The following NUP160 variants were observed in gnomAD, a reference collection of about 807,000 sequenced individuals.
The protein encoded by NUP160 is nuclear pore complex protein Nup160.
Under a neutral mutation model 196.9 loss-of-function variants are expected in NUP160, and 94 were observed. The ratio of observed to expected loss-of-function variants is 0.48; its 90% confidence interval spans 0.40 to 0.57. The LOEUF is 0.57. Among genes scored for constraint, NUP160 ranks in the 20% least tolerant of loss-of-function variants. The pLI is 0.00. For synonymous variants in NUP160, 605 were observed against 619.7 expected, an observed-to-expected ratio of 0.98 and a Z score of 0.35; for missense variants, 1,638 against 1,748.3, an observed-to-expected ratio of 0.94 and a Z score of 1.13.
At chr11:47,792,552 A>G (rs766741547) in intron 28 of NUP160, 2 of 423,822 alleles carry the variant, frequency 4.7e-6, no homozygotes, top group Non-Finnish European at 8.4e-6. Context: ...GGTCAGGTCT[A>G]ACTCCAAAAC....
intron 31 of NUP160, among the ~76,000 whole-genome samples, 196 bp downstream of exon 31, chr11:47,787,986 T>C (rs2097665640): frequency 6.6e-6 from 1 of 152,156 alleles, no homozygotes; most frequent in African/African-American, 2.4e-5. Context: ...CCTCCCAAAG[T>C]GCTGGGATTA....
At chr11:47,812,712 C>T (rs569225693) in intron 15 of NUP160, among the ~76,000 whole-genome samples, 170 bp downstream of exon 15, 1 of 152,288 alleles carries the variant, frequency 6.6e-6, no homozygotes, top group East Asian at 1.9e-4. Context: ...GACTTGAAGT[C>T]GTGTTAAATT....
intron 7 of NUP160, 134 bp from the exon 8 acceptor site, chr11:47,822,298 C>T: frequency 3.9e-6 from 2 of 508,058 alleles, no homozygotes; most frequent in Admixed American, 3.8e-5. Context: ...TGCTCTGTTG[C>T]CCAGGCTGGA....
chr11:47,792,939 T>C (rs1473617514), exon 28 of NUP160: 2 of 1,611,892 alleles, frequency 1.2e-6, no homozygotes, highest in Non-Finnish European at 1.7e-6. Context: ...CAAACATCAC[T>C]GTGCCAGCTA....
chr11:47,835,744 A>G (rs1310295421), exon 7 of NUP160: 5 of 1,606,262 alleles, frequency 3.1e-6, no homozygotes, highest in Non-Finnish European at 4.2e-6. Flanking sequence ...TTCCAGCAGT[A>G]AGCCGAAGGT....
chr11:47,785,102 T>A lies in NUP160; in HGVS notation c.3849-39A>T. The A allele has an allele frequency of 2.7e-6, 3 of 1,100,200 alleles. 1 individual carries two copies. In the Middle Eastern group the frequency reaches 7.0e-4, roughly 256 times the overall value. The allele number at this position is 1,100,200 out of a possible 1,614,324, so 68.2% of individuals were successfully genotyped here. A position where few individuals can be genotyped will look rare whatever the true frequency, so the allele number is the denominator to read the frequency against. The stretch of plus-strand genomic sequence containing the variant: ...AAAATGACTAATGAGTTTCAGATTC[T>A]TAATAGCTATTTAGAGTACCATTCA... On this transcript the variant is annotated intron_variant, in intron 32 of 35. Transcript: ENST00000378460.
At chr11:47,808,469 G>A in exon 18 of NUP160, 2 of 1,613,900 alleles carry the variant, frequency 1.2e-6, no homozygotes, top group Non-Finnish European at 1.7e-6. Context: ...AAGAGTAGGG[G>A]AGCTGTTCGA....
intron 27 of NUP160, 35 bp from the exon 28 acceptor site, chr11:47,792,981 C>T (rs1167076401): frequency 6.3e-7 from 1 of 1,579,942 alleles, no homozygotes; most frequent in Non-Finnish European, 8.6e-7. Flanking sequence ...TTTAGAACTT[C>T]CAAATTTTTT....
Position 47,793,582 on chromosome 11 carries a change from G to C in NUP160, c.3290-636C>G, listed in dbSNP as rs548829781. ...AAAGAATGAAAAGAGGGGTCTCAAA[G>C]AGATATTTCTACACCCATGTTCATA... On this transcript the variant is annotated intron_variant, in intron 27 of 35. Transcript: ENST00000378460. Among the ~76,000 whole-genome samples the C allele has an allele frequency of 2.2e-4, 34 of 152,134 alleles. No homozygotes were observed. The South Asian group carries it at 6.4e-3, about 29-fold the overall frequency.
intron 31 of NUP160, among the ~76,000 whole-genome samples, chr11:47,786,787 TTTTTC>T (rs1165645928): frequency 5.3e-5 from 8 of 152,224 alleles, no homozygotes; most frequent in African/African-American, 1.4e-4. Flanking sequence ...GAAAAATTCT[TTTTTC>T]TTTTCTTTTT....
intron 28 of NUP160, chr11:47,792,276 C>T (rs1001667972): frequency 1.2e-5 from 4 of 326,358 alleles, no homozygotes; most frequent in Admixed American, 4.9e-5. Flanking sequence ...ATAACAGAAA[C>T]AGCTGCATGT....
chr11:47,839,910 G>A (rs112693798), exon 4 of NUP160: 1 of 1,613,946 alleles, frequency 6.2e-7, no homozygotes, highest in Non-Finnish European at 8.5e-7. Context: ...AGGCAAACAG[G>A]GCCTCCCCAT....
At chr11:47,793,709 C>T (rs1486366691) in intron 27 of NUP160, among the ~76,000 whole-genome samples, 11 of 126,884 alleles carry the variant, frequency 8.7e-5, no homozygotes, top group Admixed American at 7.5e-4. Context: ...ATTTAATTAT[C>T]TGTAAGATAT....
exon 7 of NUP160, chr11:47,835,774 C>T (rs1198408397): frequency 6.3e-7 from 1 of 1,599,500 alleles, no homozygotes; most frequent in Non-Finnish European, 8.5e-7. Context: ...CAGGGACATA[C>T]TCCAGCATGT....
chr11:47,812,276 G>C, intron 16 of NUP160, 26 bp downstream of exon 16: 1 of 1,613,602 alleles, frequency 6.2e-7, no homozygotes, highest in African/African-American at 1.3e-5. Context: ...TAATCAAAGA[G>C]GCACATTTGT....
intron 31 of NUP160, among the ~76,000 whole-genome samples, 168 bp downstream of exon 31, chr11:47,788,014 G>A (rs1199033532): frequency 6.6e-6 from 1 of 152,148 alleles, no homozygotes; most frequent in African/African-American, 2.4e-5. Flanking sequence ...GAGCCACTGC[G>A]CTCAGCCTGA....
chr11:47,792,964 AT>A lies in NUP160; in HGVS notation c.3290-19del. Reference sequence around the variant, plus strand: ...TGTGCCAGCTATGAGGAGATAATAAATTAGACTTTAGAACTTCCAAATTTTT... The same window carrying A: ...TGTGCCAGCTATGAGGAGATAATAAATAGACTTTAGAACTTCCAAATTTTT... On this transcript the variant is annotated intron_variant, in intron 27 of 35. Transcript: ENST00000378460. The A allele has an allele frequency of 6.3e-7, 1 of 1,595,356 alleles. No individual in the cohort carries two copies. Among genetic ancestry groups the A allele is most frequent in the South Asian group, 1.1e-5 (1 of 87,670 alleles).
At chr11:47,778,234 C>T (rs1377478537) in exon 36 of NUP160, 1 of 152,230 alleles carries the variant, frequency 6.6e-6, no homozygotes, top group Non-Finnish European at 1.5e-5. Flanking sequence ...AGATTGTTTC[C>T]TTAAAAGATA....
exon 27 of NUP160, chr11:47,797,863 G>A (rs1245459201): frequency 3.1e-6 from 5 of 1,612,078 alleles, no homozygotes; most frequent in Non-Finnish European, 4.2e-6. Flanking sequence ...GCTCTAGCAC[G>A]TGACTCAATT....
Sources: gnomAD v4.1 joint callset for allele counts (sites outside exome capture counted in the v4.1 genomes callset) on GRCh38, gnomAD v4.1.1 for gene constraint, MANE v1.5 for transcripts, NCBI Gene and HGNC (gene_info 2026-07-23, HGNC 2026-07-21) for gene names.